The following MACROD2 variants were observed in gnomAD, a reference collection of about 807,000 sequenced individuals.
MACROD2 encodes mono-ADP ribosylhydrolase 2.
A neutral mutation model predicts 70.4 loss-of-function variants in MACROD2; 36 were observed. The ratio of observed to expected loss-of-function variants is 0.51; its 90% CI spans 0.39 to 0.68. MACROD2 has a LOEUF of 0.68. Ranked by LOEUF, MACROD2 falls within the 30% of genes least tolerant of loss-of-function variation. The pLI is 0.00. For synonymous variants in MACROD2, 172 were observed against 178.8 expected (o/e 0.96, Z 0.30); for missense variants, 496 against 538.4 (o/e 0.92, Z 0.78).
intron 3 of MACROD2, among the ~76,000 whole-genome samples, chr20:14,248,028 G>A (rs1194282919): frequency 4.6e-5 from 7 of 152,168 alleles, no homozygotes; most frequent in Non-Finnish European, 1.0e-4. Context: ...GGTATCTGGT[G>A]ATGCAACTGT....
chr20:14,250,846 G>A (rs1462606304), intron 3 of MACROD2, among the ~76,000 whole-genome samples: 1 of 151,914 alleles, frequency 6.6e-6, no homozygotes, highest in African/African-American at 2.4e-5. Flanking sequence ...ATAACTGAAA[G>A]TATGACTCTA....
chr20:14,039,549 A>AT (rs1437822596), intron 2 of MACROD2, among the ~76,000 whole-genome samples: 1 of 152,162 alleles, frequency 6.6e-6, no homozygotes, highest in Non-Finnish European at 1.5e-5. Flanking sequence ...ATTCCTTTAA[A>AT]TAGCTTGCTT....
intron 4 of MACROD2, among the ~76,000 whole-genome samples, chr20:14,587,335 CTATTA>C (rs747347909): frequency 6.6e-6 from 1 of 151,534 alleles, no homozygotes; most frequent in South Asian, 2.1e-4. Context: ...TTCTTGTGAA[CTATTA>C]TATTGTCTGC....
At chr20:14,424,695 A>C (rs2083914892) in intron 3 of MACROD2, among the ~76,000 whole-genome samples, 1 of 152,204 alleles carries the variant, frequency 6.6e-6, no homozygotes, top group Non-Finnish European at 1.5e-5. Flanking sequence ...ATAGTCCTGG[A>C]AGGTGGCAGT....
intron 5 of MACROD2, among the ~76,000 whole-genome samples, chr20:14,695,339 C>T (rs2071111076): frequency 6.6e-6 from 1 of 152,180 alleles, no homozygotes; most frequent in Non-Finnish European, 1.5e-5. Flanking sequence ...TCTGTCTTTA[C>T]CCCTTCTCTT....
intron 3 of MACROD2, among the ~76,000 whole-genome samples, chr20:14,175,809 A>C (rs760524586): frequency 8.5e-5 from 13 of 152,242 alleles, no homozygotes; most frequent in Non-Finnish European, 1.6e-4. Flanking sequence ...GACAGCTTCA[A>C]AAACTGTCTT....
chr20:15,718,775 A>G (rs1016224060), intron 8 of MACROD2, among the ~76,000 whole-genome samples: 3 of 152,228 alleles, frequency 2.0e-5, no homozygotes, highest in African/African-American at 7.2e-5. Context: ...ATATTGCAGA[A>G]TAGTAGTAAA....
intron 8 of MACROD2, among the ~76,000 whole-genome samples, chr20:15,611,463 G>A (rs918915072): frequency 2.0e-5 from 3 of 152,002 alleles, no homozygotes; most frequent in African/African-American, 7.2e-5. Context: ...TCTGACCAAG[G>A]TTGTTAATAA....
chr20:14,010,983 C>T (rs1157204011), intron 2 of MACROD2, among the ~76,000 whole-genome samples: 2 of 152,172 alleles, frequency 1.3e-5, no homozygotes, highest in African/African-American at 4.8e-5. Context: ...TTCTTCCAAA[C>T]TTTCATGATG....
intron 5 of MACROD2, among the ~76,000 whole-genome samples, chr20:15,205,899 T>C (rs958195674): frequency 6.6e-6 from 1 of 152,258 alleles, no homozygotes; most frequent in Non-Finnish European, 1.5e-5. Flanking sequence ...ACATATTGTT[T>C]TGGGCATCTC....
intron 5 of MACROD2, among the ~76,000 whole-genome samples, chr20:15,108,346 T>A (rs572144478): frequency 6.6e-6 from 1 of 152,340 alleles, no homozygotes; most frequent in South Asian, 2.1e-4. Context: ...TAAGTAAGCA[T>A]GGCTATATGG....
intron 3 of MACROD2, among the ~76,000 whole-genome samples, chr20:14,475,414 G>A (rs9967933): frequency 0.012 from 1,794 of 152,202 alleles, 32 homozygotes; most frequent in African/African-American, 0.041. Flanking sequence ...CAGTATTAGA[G>A]TAAATATTAA....
intron 8 of MACROD2, among the ~76,000 whole-genome samples, chr20:15,530,151 AT>A (rs2047777024): frequency 6.6e-6 from 1 of 152,300 alleles, no homozygotes; most frequent in African/African-American, 2.4e-5. Context: ...CTTTGGCCAT[AT>A]GTAGAATTAG....
intron 4 of MACROD2, among the ~76,000 whole-genome samples, chr20:14,623,504 T>C (rs1310784128): frequency 2.0e-5 from 3 of 152,068 alleles, no homozygotes; most frequent in Non-Finnish European, 4.4e-5. Context: ...TTGGTAAAAA[T>C]GATGACCAAT....
At chr20:14,010,641 T>C (rs958580145) in intron 2 of MACROD2, among the ~76,000 whole-genome samples, 1 of 151,730 alleles carries the variant, frequency 6.6e-6, no homozygotes, top group Non-Finnish European at 1.5e-5. Flanking sequence ...GTTTGTTTTC[T>C]GGCACTGCAT....
At chr20:14,092,931 C>G (rs1042899529) in intron 3 of MACROD2, among the ~76,000 whole-genome samples, 3 of 152,162 alleles carry the variant, frequency 2.0e-5, no homozygotes, top group Non-Finnish European at 2.9e-5. Context: ...TATTCAGAGC[C>G]AGTTTTCCGC....
chr20:15,994,571 T>C (rs1428241275), intron 15 of MACROD2, among the ~76,000 whole-genome samples: 1 of 152,236 alleles, frequency 6.6e-6, no homozygotes, highest in Non-Finnish European at 1.5e-5. Flanking sequence ...TATCTGTTTT[T>C]ATTACACAAT....
At chr20:15,335,861 G>A (rs1485346844) in intron 6 of MACROD2, among the ~76,000 whole-genome samples, 1 of 151,606 alleles carries the variant, frequency 6.6e-6, no homozygotes, top group Non-Finnish European at 1.5e-5. Context: ...AGTGCAGCTG[G>A]TCAGGTCTTC....
At chr20:15,137,554 T>G (rs1351413162) in intron 5 of MACROD2, among the ~76,000 whole-genome samples, 3 of 108,012 alleles carry the variant, frequency 2.8e-5, no homozygotes, top group African/African-American at 1.3e-4. Context: ...CTCTGGGGAC[T>G]GTTGTGGGGT....
Sources: allele counts gnomAD v4.1 joint callset (sites outside exome capture counted in the v4.1 genomes callset), GRCh38; gene constraint gnomAD v4.1.1; transcripts MANE v1.5; gene names NCBI Gene and HGNC (gene_info 2026-07-23, HGNC 2026-07-21).